PYGM: variants seen among roughly 807,000 people sequenced by gnomAD.
PYGM encodes the protein glycogen phosphorylase, muscle associated.
A neutral mutation model predicts 99.3 loss-of-function variants in PYGM; 81 were observed. That is an observed-to-expected ratio of 0.82 (90% confidence interval 0.68 to 0.98). PYGM has a LOEUF of 0.98. Ranked by LOEUF, PYGM falls within the 50% of genes least tolerant of loss-of-function variation. The pLI is 0.00. For synonymous variants in PYGM, 436 were observed against 451.5 expected (o/e 0.97, Z 0.44); for missense variants, 1,030 against 1,158.1 (o/e 0.89, Z 1.61).
At position 64,754,031 on chromosome 11, in the gene PYGM, A is replaced by G. The variant is rs1302268797; in HGVS notation, c.1093-6T>C. The G allele has an allele frequency of 3.1e-6, 5 of 1,598,672 alleles. No homozygotes were observed. Among genetic ancestry groups the G allele is most frequent in the Non-Finnish European group, 4.3e-6 (5 of 1,172,598 alleles). ...CTCACTGTCACATCCCACGCCTGGC[A>G]CACGGGGTGGGCAGTCAGGATGCTG... On this transcript the variant is annotated splice_polypyrimidine_tract_variant and splice_region_variant and intron_variant, in intron 9 of 19. Coordinates refer to ENST00000164139, the MANE Select transcript of PYGM (RefSeq NM_005609.4). This position sits in a 1 kb window ranked among gnomAD's most constrained non-coding sequence, Gnocchi z 5.5.
In PYGM at chr11:64,753,583, T is replaced by G. The variant is rs568496266; in HGVS notation, c.1339A>C (p.Ile447Leu). ...VKRINMAHLCIAGSHAVNGVA... is the reference protein window; with the variant it reads ...VKRINMAHLCLAGSHAVNGVA... ...CCGTTGACGGCGTGCGACCCCGCGA[T>G]GCACAGGTGTGCCATGTTGATGCGC... The change falls in exon 11 of 20, where the codon ATC becomes CTC. Residue 447 changes from isoleucine (I) to leucine (L), a missense_variant. By Grantham distance (5) the Ile-to-Leu change is conservative (BLOSUM62 2). Coordinates refer to ENST00000164139, the MANE Select transcript of PYGM (RefSeq NM_005609.4). The G allele has an allele frequency of 2.1e-4, 339 of 1,607,116 alleles. 3 individuals carry two copies. The South Asian group carries it at 3.6e-3, about 17-fold the overall frequency.
rs1449325056 is a variant in PYGM at position 64,755,738 on chromosome 11, C to G, written c.661-180G>C. Among the ~76,000 whole-genome samples the G allele has an allele frequency of 1.4e-4, 21 of 152,236 alleles. No individual in the cohort carries two copies. Among genetic ancestry groups the G allele is most frequent in the Admixed American group, 1.4e-3 (21 of 15,286 alleles). ...TAGTCTCTCTGGACCGCATCTAGAG[C>G]AAAGACACCCTCAACACCTCCCCGA... On this transcript the variant is annotated intron_variant, in intron 5 of 19. Transcript: ENST00000164139. The surrounding 1 kb of genome is among the most constrained non-coding windows in gnomAD (Gnocchi z 4.1).
upstream of PYGM, among the ~76,000 whole-genome samples, chr11:64,760,464 G>A (rs2058427550): frequency 6.6e-6 from 1 of 152,214 alleles, no homozygotes. Context: ...GGGAGGTTGT[G>A]TGAGGCAGGG....
chr11:64,750,338 C>A (rs1293279298), intron 17 of PYGM, 38 bp downstream of exon 17: 6 of 1,610,928 alleles, frequency 3.7e-6, no homozygotes, highest in Non-Finnish European at 5.1e-6. Context: ...AGCAGCCACA[C>A]CTGGGTGTCT....
At chr11:64,758,848 G>C (rs2058413858) in intron 1 of PYGM, 144 bp from the exon 2 acceptor site, 5 of 755,456 alleles carry the variant, frequency 6.6e-6, no homozygotes, top group Non-Finnish European at 1.2e-5. Context: ...CCCTGTCTCA[G>C]GCTTTGGGGC....
In PYGM at chr11:64,754,779, G is replaced by T; in HGVS notation, c.913C>A (p.Leu305Ile). The T allele has an allele frequency of 1.2e-6, 2 of 1,613,976 alleles. No homozygotes were observed. Among genetic ancestry groups the T allele is most frequent in the Non-Finnish European group, 1.7e-6 (2 of 1,180,010 alleles). Reference sequence around the variant, plus strand: ...TTGAAGCGACGGATGATGTCCTGGAGGGTGGCAGCCACCACGAAATACTCC... The same window carrying T: ...TTGAAGCGACGGATGATGTCCTGGATGGTGGCAGCCACCACGAAATACTCC... ...KQEYFVVAAT[L>I]QDIIRRFKSS... Residue 305 changes from leucine (L) to isoleucine (I), a missense_variant, in exon 8 of 20, where the codon CTC becomes ATC. Coordinates refer to ENST00000164139, the MANE Select transcript of PYGM (RefSeq NM_005609.4). This position sits in a 1 kb window ranked among gnomAD's most constrained non-coding sequence, Gnocchi z 5.5.
At chr11:64,760,662 G>A (rs930449907), upstream of PYGM, among the ~76,000 whole-genome samples, 2 of 152,216 alleles carry the variant, frequency 1.3e-5, no homozygotes, top group African/African-American at 4.8e-5. Context: ...TCGGCGGTGG[G>A]AGAAACTGAG....
upstream of PYGM, chr11:64,760,046 G>GGC: frequency 3.9e-6 from 5 of 1,292,472 alleles, no homozygotes; most frequent in Non-Finnish European, 5.3e-6. Context: ...TGCAATGGGA[G>GGC]GGTCTTGGCC....
rs370291854 is a variant in PYGM, at chr11:64,753,579, G to A, written c.1343C>T (p.Ala448Val). Residue 448 changes from alanine to valine, a missense_variant, in exon 11 of 20, where the codon GCG (alanine) becomes GTG (valine). Ala to Val is a moderately conservative substitution (Grantham distance 64). Transcript: ENST00000164139. ...CACGCCGTTGACGGCGTGCGACCCC[G>A]CGATGCACAGGTGTGCCATGTTGAT... Reference protein sequence around the residue: ...KRINMAHLCIAGSHAVNGVAR... With the variant: ...KRINMAHLCIVGSHAVNGVAR... 24 of 1,605,862 alleles carry A rather than the reference G, an allele frequency of 1.5e-5. No homozygotes were observed. The highest frequency in any genetic ancestry group is 3.4e-5 in the Admixed American group (2 of 59,552).
At position 64,753,529 on chromosome 11, in the gene PYGM, T is replaced by C; in HGVS notation, c.1393A>G (p.Lys465Glu). 6.3e-7 allele frequency: 1 copy of C among 1,593,216 alleles called. No individual in the cohort carries two copies. The highest frequency in any genetic ancestry group is 1.1e-5 in the South Asian group (1 of 89,186). Residue 465 changes from lysine to glutamate, a missense_variant, in exon 11 of 20, where the codon AAG (lysine) becomes GAG (glutamate). By Grantham distance (56) the Lys-to-Glu change is moderately conservative. Transcript: ENST00000164139. Reference protein sequence around the residue: ...GVARIHSEILKKTIFKDFYEL... With the variant: ...GVARIHSEILEKTIFKDFYEL... ...GAAAGCGGGGCTCACATGGTCTTCT[T>C]GAGGATCTCGGAGTGGATGCGCGCC...
In PYGM at chr11:64,750,470, C is replaced by A; in HGVS notation, c.2083G>T (p.Gly695Trp). 1 of 1,614,212 alleles carries A rather than the reference C, an allele frequency of 6.2e-7. No individual in the cohort carries two copies. The highest frequency in any genetic ancestry group is 2.2e-5 in the East Asian group (1 of 44,894). Residue 695 changes from glycine (G) to tryptophan (W), a missense_variant, in exon 17 of 20, where the codon GGG (glycine) becomes TGG (tryptophan). Gly to Trp is a radical substitution (Grantham distance 184). Coordinates refer to ENST00000164139, the MANE Select transcript of PYGM (RefSeq NM_005609.4). ...TCTTCTGCCATCTCCACATTGGCCC[C>A]GTCCATGGTGCCAATGGTCAGAGCC... ...NGALTIGTMD[G>W]ANVEMAEEAG...
chr11:64,759,056 G>C (rs1185951070), intron 1 of PYGM, among the ~76,000 whole-genome samples: 1 of 790 alleles, frequency 1.3e-3, no homozygotes, highest in African/African-American at 1.4e-3. Context: ...ACAGTGGCTA[G>C]AGACTGGGCT....
rs769396896 is a variant in PYGM, at chr11:64,755,388, T to C, written c.773-33A>G. ...ACAAAAGTGGGGACAGGGTAAGGCC[T>C]GCGCTGGGCGTGGCCGGCGGGCAAG... On this transcript the variant is annotated intron_variant, in intron 6 of 19. Transcript: ENST00000164139. This position sits in a 1 kb window ranked among gnomAD's most constrained non-coding sequence, Gnocchi z 4.1. 1.2e-6 allele frequency: 2 copies of C among 1,612,920 alleles called. No individual in the cohort carries two copies. Among genetic ancestry groups the C allele is most frequent in the Admixed American group, 3.3e-5 (2 of 60,028 alleles).
In PYGM at chr11:64,758,273, A is replaced by C. The variant is rs761451188; in HGVS notation, c.501T>G (p.Phe167Leu). Residue 167 changes from phenylalanine (F) to leucine (L), a missense_variant, in exon 4 of 20, where the codon TTT becomes TTG. Transcript: ENST00000164139. ...GCCAGCCCCCGGAGATCTTCTGGTT[A>C]AAAATCCCAAACTCATAGCGAATCC... ...GYGIRYEFGI[F>L]NQKISGGWQM... is the part of the protein sequence containing the mutation. 2 of 1,613,834 alleles carry C rather than the reference A, an allele frequency of 1.2e-6. No homozygotes were observed. Among genetic ancestry groups the C allele is most frequent in the South Asian group, 2.2e-5 (2 of 91,094 alleles).
Position 64,753,885 on chromosome 11 carries a change from GAAGCGCTGGTT to G in PYGM, c.1222_1232del (p.Asn408ProfsTer63). The G allele has an allele frequency of 6.3e-7, 1 of 1,576,430 alleles. No homozygotes were observed. On this transcript the variant is annotated frameshift_variant, in exon 10 of 20. Coordinates refer to ENST00000164139, the MANE Select transcript of PYGM (RefSeq NM_005609.4). LOFTEE classifies it high-confidence loss of function. The stretch of plus-strand genomic sequence containing the variant: ...CCCAAGCCTCCGGACTCACGTTGAG[GAAGCGCTGGTT>G]GATCTCGTAGATGATCTGGAGGTGC...
intron 17 of PYGM, 191 bp from the exon 18 acceptor site, chr11:64,747,549 G>T: frequency 1.5e-6 from 1 of 671,094 alleles, no homozygotes; most frequent in Non-Finnish European, 2.5e-6. Context: ...TCCCTCCTTT[G>T]TGAATGAAGA....
In PYGM at chr11:64,752,386, A is replaced by G. The variant is rs1280465032; in HGVS notation, c.1620+17T>C. The G allele has an allele frequency of 3.1e-6, 5 of 1,610,070 alleles. No homozygotes were observed. In the African/African-American group the frequency reaches 4.0e-5, roughly 13 times the overall value. On this transcript the variant is annotated intron_variant, in intron 13 of 19. Coordinates refer to ENST00000164139, the MANE Select transcript of PYGM (RefSeq NM_005609.4). ...TCTCCACACAGCACAGCTGTCCCAC[A>G]TTGCATCTCTCCCCACCTGCTTCAC...
rs140102591 is a variant in PYGM at position 64,747,337 on chromosome 11, G to A, written c.2199C>T (p.Tyr733=). The A allele has an allele frequency of 1.2e-4, 195 of 1,614,182 alleles. No individual in the cohort carries two copies. Among genetic ancestry groups the A allele is most frequent in the Middle Eastern group, 3.3e-4 (2 of 6,062 alleles). ...DQRGYNAQEY[Y]DRIPELRQVI... is the part of the protein sequence containing the mutation. ...CCTGCCGAAGCTCAGGAATGCGATC[G>A]TAGTACTCCTGGGCATTGTACCTGC... The change falls in exon 18 of 20, where the codon TAC becomes TAT. Residue 733 remains tyrosine (Y), a synonymous_variant. Coordinates refer to ENST00000164139, the MANE Select transcript of PYGM (RefSeq NM_005609.4).
Position 64,750,542 on chromosome 11 carries a change from C to G in PYGM, c.2011G>C (p.Gly671Arg). 6.2e-7 allele frequency: 1 copy of G among 1,614,188 alleles called. No homozygotes were observed. The highest frequency in any genetic ancestry group is 8.5e-7 in the Non-Finnish European group (1 of 1,180,042). Reference protein sequence around the residue: ...ADLSEQISTAGTEASGTGNMK... With the variant: ...ADLSEQISTARTEASGTGNMK... ...TTGCCGGTGCCTGAGGCTTCAGTGC[C>G]CGCAGTGGAGATCTGCTCAGAGAGG... is the stretch of plus-strand genomic sequence containing the variant. The change falls in exon 17 of 20, where the codon GGC (glycine) becomes CGC (arginine). Residue 671 changes from glycine (G) to arginine (R), a missense_variant. Gly to Arg is a moderately radical substitution (Grantham distance 125). Coordinates refer to ENST00000164139, the MANE Select transcript of PYGM (RefSeq NM_005609.4).
Sources: gnomAD v4.1 joint callset for allele counts (sites outside exome capture counted in the v4.1 genomes callset) on GRCh38, gnomAD v4.1.1 for gene constraint, Gnocchi (gnomAD v3.1) non-coding constraint, MANE v1.5 for transcripts, NCBI Gene and HGNC (gene_info 2026-07-23, HGNC 2026-07-21) for gene names.